PRIMPOL: variants seen among roughly 807,000 people sequenced by gnomAD.
PRIMPOL encodes DNA-directed primase/polymerase protein.
Under a neutral mutation model 63.6 loss-of-function variants are expected in PRIMPOL, and 54 were observed. The observed-to-expected ratio is 0.85, with a 90% CI of 0.68 to 1.07. The LOEUF is 1.07. PRIMPOL is among the 50% of genes least tolerant of loss of function. The probability of loss-of-function intolerance (pLI) is 0.00; values close to 1 mark genes in which losing one functional copy is unlikely to be tolerated. For synonymous variants in PRIMPOL, 197 were observed against 220.2 expected, an observed-to-expected ratio of 0.89 and a Z score of 0.93; for missense variants, 610 against 648.3, an observed-to-expected ratio of 0.94 and a Z score of 0.64.
At chr4:184,654,971 GT>G (rs1430960657) in intron 2 of PRIMPOL, among the ~76,000 whole-genome samples, 1 of 150,516 alleles carries the variant, frequency 6.6e-6, no homozygotes, top group Admixed American at 6.6e-5. Flanking sequence ...ATATGCCTTT[GT>G]TTTTTTTCTA....
intron 6 of PRIMPOL, among the ~76,000 whole-genome samples, chr4:184,669,436 G>A (rs1390065581): frequency 6.6e-6 from 1 of 152,242 alleles, no homozygotes; most frequent in African/African-American, 2.4e-5. Context: ...AGCGTGAATA[G>A]TGAGGAGGGA....
chr4:184,693,468 A>G (rs1190910077), intron 13 of PRIMPOL, among the ~76,000 whole-genome samples: 1 of 152,234 alleles, frequency 6.6e-6, no homozygotes, highest in Non-Finnish European at 1.5e-5. Flanking sequence ...AGTAAGATAT[A>G]TAATGAACAC....
At chr4:184,686,904 A>G (rs142141342) in intron 11 of PRIMPOL, among the ~76,000 whole-genome samples, 9 of 152,358 alleles carry the variant, frequency 5.9e-5, no homozygotes, top group East Asian at 3.9e-4. Context: ...CAGCCAGGGC[A>G]TAACTGCAGC....
intron 13 of PRIMPOL, chr4:184,694,217 G>C: frequency 1.8e-6 from 2 of 1,088,058 alleles, no homozygotes; most frequent in Non-Finnish European, 2.2e-6. Context: ...CAGCTGGACT[G>C]TCCACTTGTT....
At chr4:184,692,075 G>C (rs188987438) in intron 13 of PRIMPOL, among the ~76,000 whole-genome samples, 3 of 152,208 alleles carry the variant, frequency 2.0e-5, no homozygotes, top group Non-Finnish European at 2.9e-5. Flanking sequence ...GGCATATTCA[G>C]TTTTAATTTT....
intron 6 of PRIMPOL, among the ~76,000 whole-genome samples, chr4:184,667,276 C>G (rs1438826935): frequency 1.3e-5 from 2 of 152,010 alleles, no homozygotes; most frequent in African/African-American, 4.8e-5. Flanking sequence ...CCATCCAAAC[C>G]CAAAGAATGG....
intron 2 of PRIMPOL, among the ~76,000 whole-genome samples, chr4:184,656,354 A>C (rs956043333): frequency 1.3e-5 from 2 of 152,130 alleles, no homozygotes; most frequent in African/African-American, 4.8e-5. Flanking sequence ...TTTGTGGCTG[A>C]TTTGGCTGTT....
Position 184,673,632 on chromosome 4 carries a change from C to T in PRIMPOL, c.844+1172C>T, listed in dbSNP as rs190039114. Among the ~76,000 whole-genome samples, 41 of 151,970 alleles carry T rather than the reference C, an allele frequency of 2.7e-4. No individual in the cohort carries two copies. The East Asian group carries it at 4.5e-3, about 17-fold the overall frequency. ...TACAGACGGGGTTTCACCATGTTGG[C>T]CAGGCTAGTCTCAAACTCCTGACCT... On this transcript the variant is annotated intron_variant, in intron 7 of 13. Transcript: ENST00000314970.
chr4:184,680,906 A>G (rs1461690571), intron 8 of PRIMPOL, among the ~76,000 whole-genome samples: 1 of 152,178 alleles, frequency 6.6e-6, no homozygotes, highest in Non-Finnish European at 1.5e-5. Context: ...GCCACACCCT[A>G]TTGGCACCAG....
intron 6 of PRIMPOL, 144 bp from the exon 7 acceptor site, chr4:184,672,028 CT>C (rs1163011407): frequency 3.2e-5 from 24 of 760,692 alleles, no homozygotes; most frequent in Non-Finnish European, 5.0e-5. Flanking sequence ...GCGTGAGCCA[CT>C]GTGCCCGGCA....
chr4:184,665,489 A>T (rs1435054549), intron 5 of PRIMPOL, among the ~76,000 whole-genome samples: 1 of 151,952 alleles, frequency 6.6e-6, no homozygotes, highest in Non-Finnish European at 1.5e-5. Flanking sequence ...CATTAAAAAA[A>T]ATGAATTAAT....
chr4:184,679,699 G>A (rs78993211), intron 8 of PRIMPOL, among the ~76,000 whole-genome samples: 100 of 152,236 alleles, frequency 6.6e-4, no homozygotes, highest in African/African-American at 2.4e-3. Flanking sequence ...GCGAGCGAGC[G>A]AGCAATACCA....
intron 11 of PRIMPOL, among the ~76,000 whole-genome samples, chr4:184,687,569 C>T (rs137862470): frequency 3.1e-4 from 47 of 152,240 alleles, no homozygotes; most frequent in African/African-American, 1.1e-3. Context: ...TTTATGATTT[C>T]TCCCATATAC....
chr4:184,672,443 AT>A lies in PRIMPOL; in HGVS notation c.828del (p.Leu277PhefsTer3). On this transcript the variant is annotated frameshift_variant, in exon 7 of 14. Transcript: ENST00000314970. LOFTEE classifies it high-confidence loss of function. ...GTGAAGAATAACATGGGAGAGAAGC[AT>A]CTTTTTGTAGATCTCGGTAAGTAAG... ...LVVKNNMGEKHLFVDLGVYTR... is the reference protein window; with the variant it reads ...LVVKNNMGEKXLFVDLGVYTR... 6.2e-7 allele frequency: 1 copy of A among 1,608,282 alleles called. No homozygotes were observed. Among genetic ancestry groups the A allele is most frequent in the East Asian group, 2.2e-5 (1 of 44,850 alleles).
intron 11 of PRIMPOL, among the ~76,000 whole-genome samples, chr4:184,686,434 C>T (rs1319953663): frequency 5.3e-5 from 8 of 152,120 alleles, no homozygotes; most frequent in Non-Finnish European, 8.8e-5. Context: ...TGTGTTAACT[C>T]GTTCAAGACA....
intron 6 of PRIMPOL, among the ~76,000 whole-genome samples, chr4:184,671,279 C>A (rs553883543): frequency 6.6e-6 from 1 of 152,240 alleles, no homozygotes; most frequent in African/African-American, 2.4e-5. Context: ...AGCCTAGGGG[C>A]TGACGGCTGT....
chr4:184,678,661 G>A lies in PRIMPOL; in HGVS notation c.1007+267G>A, dbSNP rs576304600. The stretch of plus-strand genomic sequence containing the variant: ...TCCTGCCTCAGTCTCCCAAGTAGCT[G>A]GGACTACAGGCGCCTGCCACCACAC... On this transcript the variant is annotated intron_variant, in intron 8 of 13. Transcript: ENST00000314970. Among the ~76,000 whole-genome samples the A allele has an allele frequency of 5.9e-5, 9 of 151,628 alleles. No homozygotes were observed. In the South Asian group the frequency reaches 1.9e-3, roughly 32 times the overall value.
At chr4:184,675,356 A>G (rs1753009989) in intron 7 of PRIMPOL, among the ~76,000 whole-genome samples, 1 of 152,218 alleles carries the variant, frequency 6.6e-6, no homozygotes, top group Non-Finnish European at 1.5e-5. Context: ...ACATTTTATG[A>G]CAGTAAATGA....
At chr4:184,653,865 T>C (rs1745445980) in intron 2 of PRIMPOL, among the ~76,000 whole-genome samples, 1 of 152,244 alleles carries the variant, frequency 6.6e-6, no homozygotes, top group Admixed American at 6.5e-5. Context: ...CAAACCAGAA[T>C]GCCAGATGCC....
Sources: gnomAD v4.1 joint callset for allele counts (sites outside exome capture counted in the v4.1 genomes callset) on GRCh38, gnomAD v4.1.1 for gene constraint, MANE v1.5 for transcripts, NCBI Gene and HGNC (gene_info 2026-07-23, HGNC 2026-07-21) for gene names.